The following PCGF3 variants were observed in gnomAD, a reference collection of about 807,000 sequenced individuals.
PCGF3 encodes the protein polycomb group ring finger 3, also known as polycomb group RING finger protein 3.
In PCGF3, 7 loss-of-function variants were observed where a neutral mutation model predicts 33.1. That is an observed-to-expected ratio of 0.21 (90% CI 0.12 to 0.40). The LOEUF (loss-of-function observed/expected upper bound fraction) is 0.40. Among genes scored for constraint, PCGF3 ranks in the 10% least tolerant of loss-of-function variants. The pLI, the probability that PCGF3 is intolerant of heterozygous loss-of-function variation, is 1.00. For missense variants in PCGF3, 211 were observed against 313.3 expected (o/e 0.67, Z 2.46); for synonymous variants, 153 against 121.3 (o/e 1.26, Z -1.72).
chr4:761,241 C>A, intron 8 of PCGF3, 38 bp from the exon 9 acceptor site: 1 of 1,517,944 alleles, frequency 6.6e-7, no homozygotes, highest in South Asian at 1.3e-5. Flanking sequence ...TCCGGGGGAA[C>A]CCTCCTGCTG....
intron 8 of PCGF3, among the ~76,000 whole-genome samples, chr4:750,485 G>A (rs937421114): frequency 4.6e-5 from 7 of 152,220 alleles, no homozygotes; most frequent in Non-Finnish European, 7.3e-5. Flanking sequence ...AGTTGCCCAC[G>A]TCCTGCTCTG....
At chr4:709,857 T>G (rs1742491684) in intron 1 of PCGF3, among the ~76,000 whole-genome samples, 1 of 152,232 alleles carries the variant, frequency 6.6e-6, no homozygotes, top group Admixed American at 6.5e-5. Flanking sequence ...TAGAAGCTCT[T>G]ACTCGCCCAG....
chr4:750,274 T>C (rs1397463575), intron 8 of PCGF3, among the ~76,000 whole-genome samples: 1 of 152,256 alleles, frequency 6.6e-6, no homozygotes, highest in Non-Finnish European at 1.5e-5. Flanking sequence ...TAACGTGGCC[T>C]TTTTGGGTTC....
chr4:709,386 A>G (rs1187661252), intron 1 of PCGF3, among the ~76,000 whole-genome samples: 1 of 152,198 alleles, frequency 6.6e-6, no homozygotes, highest in Non-Finnish European at 1.5e-5. Flanking sequence ...TGAATGATGC[A>G]TGAACACATG....
At position 721,137 on chromosome 4, in the gene PCGF3, G is replaced by A. The variant is rs761212673; in HGVS notation, c.-189-9493G>A. ...ACGCTGCTTGTCGGGCGGTGGTGACGATTTCATGGATGTTTGTGAAACCAA... is the reference window on the plus strand; with the variant it reads ...ACGCTGCTTGTCGGGCGGTGGTGACAATTTCATGGATGTTTGTGAAACCAA... On this transcript the variant is annotated intron_variant, in intron 1 of 10. Coordinates refer to ENST00000362003, the Ensembl canonical transcript of PCGF3. The surrounding 1 kb of genome is among the most constrained non-coding windows in gnomAD (Gnocchi z 4.1). 6.6e-6 allele frequency among the ~76,000 whole-genome samples: 1 copy of A among 151,954 alleles called. No individual in the cohort carries two copies. The highest frequency in any genetic ancestry group is 1.9e-4 in the East Asian group (1 of 5,148).
At chr4:768,199 GT>G (rs2152632591) in exon 11 of PCGF3, 1 of 152,802 alleles carries the variant, frequency 6.5e-6, no homozygotes, top group Admixed American at 6.5e-5. Context: ...TTGTAACCGC[GT>G]TAACCTGACA....
intron 7 of PCGF3, 39 bp downstream of exon 7, chr4:743,623 C>A: frequency 8.3e-7 from 1 of 1,206,590 alleles, no homozygotes; most frequent in Non-Finnish European, 1.2e-6. Context: ...CCCCGGGAAT[C>A]CCCTGCATGA....
Position 749,476 on chromosome 4 carries a change from C to CTTTTTTTTTTTTTTTTTTT in PCGF3, c.462+4794_462+4812dup, listed in dbSNP as rs71640348. 3.6e-4 allele frequency among the ~76,000 whole-genome samples: 27 copies of CTTTTTTTTTTTTTTTTTTT among 75,482 alleles called. 2 individuals are homozygous for CTTTTTTTTTTTTTTTTTTT. Among genetic ancestry groups the CTTTTTTTTTTTTTTTTTTT allele is most frequent in the Admixed American group, 6.3e-4 (3 of 4,792 alleles). 49.5% of individuals were successfully genotyped at this position (75,482 alleles called of 152,430 possible). On this transcript the variant is annotated intron_variant, in intron 8 of 10. Coordinates refer to ENST00000362003, the Ensembl canonical transcript of PCGF3. Reference sequence around the variant, plus strand: ...ACCATGCCCTGCTGAATTTTCTTTCCTTTTTTTTTTTTTTTTTTTTTTTTG... The same window carrying CTTTTTTTTTTTTTTTTTTT: ...ACCATGCCCTGCTGAATTTTCTTTCCTTTTTTTTTTTTTTTTTTTTTTTTTTTTTTTTTTTTTTTTTTTG...
At chr4:758,168 A>G (rs1744858722) in intron 8 of PCGF3, among the ~76,000 whole-genome samples, 1 of 92,176 alleles carries the variant, frequency 1.1e-5, no homozygotes, top group Non-Finnish European at 2.4e-5. Context: ...TCTGTCTCAA[A>G]AAAAAAAAAA....
In PCGF3 at chr4:723,085, C is replaced by T. The variant is rs560105196; in HGVS notation, c.-189-7545C>T. ...CCGGGTCCACACTCGCGTCATCGCCCACCCGCGCCGGGTCCACACTCGCGT... is the reference window on the plus strand; with the variant it reads ...CCGGGTCCACACTCGCGTCATCGCCTACCCGCGCCGGGTCCACACTCGCGT... On this transcript the variant is annotated intron_variant, in intron 1 of 10. Transcript: ENST00000362003. 1.0e-4 allele frequency among the ~76,000 whole-genome samples: 15 copies of T among 145,282 alleles called. No individual in the cohort carries two copies. In the South Asian group the frequency reaches 3.2e-3, roughly 31 times the overall value.
At chr4:725,777 G>A (rs934647177) in intron 1 of PCGF3, among the ~76,000 whole-genome samples, 1 of 152,120 alleles carries the variant, frequency 6.6e-6, no homozygotes, top group Admixed American at 6.5e-5. Context: ...ATTTGCCCAG[G>A]GGAAACCCGA....
Position 713,694 on chromosome 4 carries a change from C to T in PCGF3, c.-190+7724C>T, listed in dbSNP as rs569244607. Among the ~76,000 whole-genome samples the T allele has an allele frequency of 4.3e-4, 65 of 152,258 alleles. 1 individual carries two copies. Among genetic ancestry groups the T allele is most frequent in the Admixed American group, 1.2e-3 (19 of 15,300 alleles). On this transcript the variant is annotated intron_variant, in intron 1 of 10. Transcript: ENST00000362003. ...TATTAGATGCTCAATAAACAGTAAC[C>T]GGAAGCTGATCCTCATGGATGCTGT...
chr4:767,392 G>C (rs568615418), exon 11 of PCGF3: 1 of 152,166 alleles, frequency 6.6e-6, no homozygotes, highest in Non-Finnish European at 1.5e-5. Flanking sequence ...TTTCTGGAGT[G>C]GTTGAGGTGT....
intron 3 of PCGF3, among the ~76,000 whole-genome samples, chr4:731,563 G>C (rs35927802): frequency 0.2 from 17,926 of 91,050 alleles, 2,898 homozygotes; most frequent in South Asian, 0.27. Context: ...TCCCCCTCCC[G>C]TCGTGGGTGG....
chr4:708,220 C>G (rs749427930), intron 1 of PCGF3, among the ~76,000 whole-genome samples: 1 of 152,072 alleles, frequency 6.6e-6, no homozygotes, highest in Non-Finnish European at 1.5e-5. Context: ...CACTTAGGGT[C>G]GGGACACTGG....
exon 11 of PCGF3, chr4:770,061 C>T (rs567430437): frequency 1.3e-5 from 2 of 152,406 alleles, no homozygotes; most frequent in Non-Finnish European, 2.9e-5. Context: ...ATATTATATG[C>T]TTGTAATAAA....
intron 1 of PCGF3, among the ~76,000 whole-genome samples, chr4:717,116 A>C (rs1456232895): frequency 4.6e-4 from 35 of 76,056 alleles, no homozygotes; most frequent in African/African-American, 2.0e-3. Flanking sequence ...GACCCTGTAG[A>C]CACTGAATGT....
chr4:713,794 G>A (rs921853207), intron 1 of PCGF3, among the ~76,000 whole-genome samples: 2 of 152,212 alleles, frequency 1.3e-5, no homozygotes, highest in Non-Finnish European at 2.9e-5. Flanking sequence ...GACCGTAAAA[G>A]CTGTGCTTAT....
intron 9 of PCGF3, chr4:764,694 C>T (rs573478210): frequency 7.8e-5 from 26 of 333,262 alleles, no homozygotes; most frequent in South Asian, 3.1e-4. Flanking sequence ...CTTGTGCCTG[C>T]GCCTGCACCC....
Sources: gnomAD v4.1 joint callset for allele counts (sites outside exome capture counted in the v4.1 genomes callset) on GRCh38, gnomAD v4.1.1 for gene constraint, Gnocchi (gnomAD v3.1) non-coding constraint, MANE v1.5 for transcripts, NCBI Gene and HGNC (gene_info 2026-07-23, HGNC 2026-07-21) for gene names.